Variants in EYS observed in about 807,000 individuals in gnomAD.
EYS encodes EGF-like photoreceptor maintenance factor.
In EYS, 250 loss-of-function variants were observed where a neutral mutation model predicts 282.1. The ratio of observed to expected loss-of-function variants is 0.89; its 90% CI spans 0.80 to 0.98. EYS has a LOEUF of 0.98. Among genes scored for constraint, EYS ranks in the 50% least tolerant of loss-of-function variants. The pLI is 0.00. For synonymous variants in EYS, 1,355 were observed against 1,282.9 expected (o/e 1.06, Z -1.20); for missense variants, 4,016 against 3,709.0 (o/e 1.08, Z -2.15).
At chr6:64,285,578 G>A (rs961727869) in intron 30 of EYS, among the ~76,000 whole-genome samples, 2 of 151,948 alleles carry the variant, frequency 1.3e-5, no homozygotes, top group Non-Finnish European at 1.5e-5. Context: ...CCACATTTGG[G>A]TATCTTTTCA....
intron 29 of EYS, among the ~76,000 whole-genome samples, chr6:64,384,817 C>A (rs758639036): frequency 6.6e-6 from 1 of 152,146 alleles, no homozygotes; most frequent in Non-Finnish European, 1.5e-5. Flanking sequence ...GTGTCTGTTT[C>A]ATTCTCTTCT....
chr6:63,748,246 T>A (rs1487093293), intron 41 of EYS, among the ~76,000 whole-genome samples: 1 of 152,178 alleles, frequency 6.6e-6, no homozygotes, highest in Non-Finnish European at 1.5e-5. Context: ...GACAGCATGG[T>A]ACTGGTACAA....
chr6:64,490,567 G>A (rs530610542), intron 26 of EYS, among the ~76,000 whole-genome samples: 1 of 150,822 alleles, frequency 6.6e-6, no homozygotes, highest in East Asian at 1.9e-4. Context: ...TATCTCTCCA[G>A]CATTCAAATT....
chr6:64,804,033 G>C (rs1254732517), intron 22 of EYS, among the ~76,000 whole-genome samples: 1 of 152,130 alleles, frequency 6.6e-6, no homozygotes, highest in African/African-American at 2.4e-5. Context: ...CCTGCTCCTT[G>C]GAGTGTAACC....
intron 33 of EYS, among the ~76,000 whole-genome samples, chr6:64,036,136 A>T (rs1770108882): frequency 6.6e-6 from 1 of 152,226 alleles, no homozygotes; most frequent in African/African-American, 2.4e-5. Flanking sequence ...GACAACTTAG[A>T]TCTAGCTGGA....
At chr6:64,849,872 G>A (rs1465136) in intron 19 of EYS, among the ~76,000 whole-genome samples, 105,973 of 150,028 alleles carry the variant, frequency 0.71, 37,703 homozygotes, top group Admixed American at 0.76. Flanking sequence ...ACTAAAAAAA[G>A]AAAGGTATGT....
chr6:64,923,774 A>T (rs182478910), intron 15 of EYS, among the ~76,000 whole-genome samples: 1 of 152,322 alleles, frequency 6.6e-6, no homozygotes, highest in Non-Finnish European at 1.5e-5. Flanking sequence ...CTCCAAAATG[A>T]TCTCCTTTGA....
chr6:63,791,813 G>T (rs1287256808), intron 37 of EYS, among the ~76,000 whole-genome samples: 1 of 152,068 alleles, frequency 6.6e-6, no homozygotes, highest in Non-Finnish European at 1.5e-5. Flanking sequence ...GTAATGTTGA[G>T]GATAGAATAT....
intron 19 of EYS, among the ~76,000 whole-genome samples, chr6:64,829,175 T>A (rs1390275): frequency 3.4e-4 from 52 of 152,106 alleles, no homozygotes; most frequent in African/African-American, 1.3e-3. Flanking sequence ...AAGTGTGAAG[T>A]TCTCTGCAAT....
chr6:65,295,904 A>T lies in EYS; in HGVS notation c.1982T>A (p.Leu661Ter), dbSNP rs1295206142. 3 of 1,550,568 alleles carry T rather than the reference A, an allele frequency of 1.9e-6. No individual in the cohort carries two copies. Among genetic ancestry groups the T allele is most frequent in the Non-Finnish European group, 2.6e-6 (3 of 1,146,344 alleles). ...ACACTTGCGGAAGAAATATCCCCTT[A>T]AATGTGTACTAGTTGTTCCATTTTT... is the stretch of plus-strand genomic sequence containing the variant. Reference protein sequence around the residue: ...SCKNGTTSTHLRGYFFRKCVP... With the variant: ...SCKNGTTSTH Residue 661 changes from leucine (L) to a stop codon, truncating the protein, a stop_gained, in exon 12 of 43, where the codon TTA (leucine) becomes TAA (stop). Coordinates refer to ENST00000503581, the MANE Select transcript of EYS (RefSeq NM_001142800.2). LOFTEE classifies it high-confidence loss of function.
intron 28 of EYS, among the ~76,000 whole-genome samples, chr6:64,393,662 C>G (rs1024738995): frequency 8.6e-5 from 13 of 151,602 alleles, no homozygotes; most frequent in Admixed American, 2.6e-4. Context: ...ATGACAAACC[C>G]ACAGCCAATA....
chr6:64,619,492 A>G (rs1238035796), intron 23 of EYS, among the ~76,000 whole-genome samples: 1 of 151,934 alleles, frequency 6.6e-6, no homozygotes, highest in Non-Finnish European at 1.5e-5. Context: ...ACAGAAAAGT[A>G]CCAGGGGGAT....
intron 2 of EYS, among the ~76,000 whole-genome samples, chr6:65,603,887 G>A (rs1765691901): frequency 6.6e-6 from 1 of 151,132 alleles, no homozygotes; most frequent in Admixed American, 6.6e-5. Flanking sequence ...TGTTTTTTTT[G>A]TTTGTTTCAA....
chr6:63,958,659 T>C (rs1765923517), intron 35 of EYS, among the ~76,000 whole-genome samples: 2 of 152,184 alleles, frequency 1.3e-5, no homozygotes, highest in Non-Finnish European at 2.9e-5. Context: ...AGAAGAGAAG[T>C]CAATGCCTGT....
intron 26 of EYS, among the ~76,000 whole-genome samples, chr6:64,509,651 AAG>A (rs1777322055): frequency 6.6e-6 from 1 of 152,134 alleles, no homozygotes. Flanking sequence ...CCTGTAGTGA[AAG>A]AGTATTTTTC....
At chr6:63,794,907 T>C (rs1213602172) in intron 37 of EYS, among the ~76,000 whole-genome samples, 1 of 152,134 alleles carries the variant, frequency 6.6e-6, no homozygotes, top group African/African-American at 2.4e-5. Flanking sequence ...GAGATACTTG[T>C]TGGATATTGC....
At chr6:65,210,574 G>T (rs543624023) in intron 12 of EYS, among the ~76,000 whole-genome samples, 3 of 152,068 alleles carry the variant, frequency 2.0e-5, no homozygotes, top group African/African-American at 7.2e-5. Flanking sequence ...AAATCAATTG[G>T]CATGATCTCA....
In EYS at chr6:65,227,425, A is replaced by T. The variant is rs919381936; in HGVS notation, c.2023+68438T>A. Among the ~76,000 whole-genome samples, 74 of 152,194 alleles carry T rather than the reference A, an allele frequency of 4.9e-4. 2 individuals are homozygous for T. The highest frequency in any genetic ancestry group is 4.8e-3 in the Admixed American group (74 of 15,276). Reference sequence around the variant, plus strand: ...TATTTAAAAATACACATATAAGAACATGAAATAATTAGAATTATCTGCACT... The same window carrying T: ...TATTTAAAAATACACATATAAGAACTTGAAATAATTAGAATTATCTGCACT... On this transcript the variant is annotated intron_variant, in intron 12 of 42. Transcript: ENST00000503581.
chr6:64,919,211 G>A (rs149283865), intron 15 of EYS, among the ~76,000 whole-genome samples: 83 of 151,818 alleles, frequency 5.5e-4, no homozygotes, highest in East Asian at 2.7e-3. Context: ...TCACTCTGTC[G>A]CCCAGGCTGG....
Sources: allele counts gnomAD v4.1 joint callset (sites outside exome capture counted in the v4.1 genomes callset), GRCh38; gene constraint gnomAD v4.1.1; transcripts MANE v1.5; gene names NCBI Gene and HGNC (gene_info 2026-07-23, HGNC 2026-07-21).